The following TRIM67 variants were observed in gnomAD, a reference collection of about 807,000 sequenced individuals.
TRIM67 encodes tripartite motif-containing protein 67.
Under a neutral mutation model 71.0 loss-of-function variants are expected in TRIM67, and 39 were observed. That is an observed-to-expected ratio of 0.55 (90% CI 0.43 to 0.72). The LOEUF (loss-of-function observed/expected upper bound fraction) is 0.72. TRIM67 is among the 30% of genes least tolerant of loss of function. The probability of loss-of-function intolerance (pLI) is 0.00; values close to 1 mark genes in which losing one functional copy is unlikely to be tolerated. For missense variants in TRIM67, 973 were observed against 1,079.2 expected (o/e 0.90, Z 1.38); for synonymous variants, 481 against 473.9 (o/e 1.01, Z -0.19).
intron 1 of TRIM67, among the ~76,000 whole-genome samples, chr1:231,195,855 C>T (rs1326655636): frequency 6.6e-6 from 1 of 152,206 alleles, no homozygotes; most frequent in African/African-American, 2.4e-5. Context: ...TGGGGTGCAG[C>T]CAGAGACGGT....
chr1:231,165,873 T>C (rs1682447082), intron 1 of TRIM67, among the ~76,000 whole-genome samples: 1 of 152,232 alleles, frequency 6.6e-6, no homozygotes, highest in South Asian at 2.1e-4. Context: ...AAACTAATTC[T>C]GAGTGTTGCC....
intron 1 of TRIM67, chr1:231,187,452 G>T: frequency 7.6e-7 from 1 of 1,324,038 alleles, no homozygotes; most frequent in Non-Finnish European, 1.0e-6. Context: ...TCTGCCAACA[G>T]ATGAGGGCAT....
chr1:231,189,251 T>C (rs1683169300), intron 1 of TRIM67, among the ~76,000 whole-genome samples: 1 of 152,204 alleles, frequency 6.6e-6, no homozygotes, highest in Non-Finnish European at 1.5e-5. Flanking sequence ...TAAATTTAAT[T>C]GCCAGTCATA....
intron 1 of TRIM67, among the ~76,000 whole-genome samples, chr1:231,173,999 G>A (rs546347730): frequency 3.9e-5 from 6 of 152,046 alleles, no homozygotes; most frequent in Non-Finnish European, 8.8e-5. Flanking sequence ...AAATTTTTAT[G>A]TACTATCTCT....
At chr1:231,215,342 T>C in intron 9 of TRIM67, 33 bp from the exon 10 acceptor site, 2 of 1,607,412 alleles carry the variant, frequency 1.2e-6, no homozygotes. Flanking sequence ...CGGCAGCCTC[T>C]CCCACCCTCA....
intron 1 of TRIM67, 59 bp from the exon 2 acceptor site, chr1:231,197,312 C>T (rs1156303207): frequency 6.7e-7 from 1 of 1,488,358 alleles, no homozygotes; most frequent in Non-Finnish European, 9.4e-7. Context: ...TGATGAAGTG[C>T]AAATTTTCTG....
At position 231,218,010 on chromosome 1, in the gene TRIM67, C is replaced by G. The variant is rs1006430984; in HGVS notation, c.*2570C>G. On this transcript the variant is annotated 3_prime_UTR_variant, in exon 10 of 10. Coordinates refer to ENST00000366653, the MANE Select transcript of TRIM67 (RefSeq NM_001004342.5). ...AGCCCAGAAGCAATACGGCCGATGC[C>G]AGGGACAGCATCCAGCTCTCCTTCA... The G allele has an allele frequency of 8.3e-7, 1 of 1,197,732 alleles. No homozygotes were observed. Among genetic ancestry groups the G allele is most frequent in the African/African-American group, 1.6e-5 (1 of 62,986 alleles). 74.2% of individuals were successfully genotyped at this position (1,197,732 alleles called of 1,614,324 possible). A position where few individuals can be genotyped will look rare whatever the true frequency, so the allele number is the denominator to read the frequency against.
At chr1:231,174,330 CTAATTTT>C (rs1682690662) in intron 1 of TRIM67, among the ~76,000 whole-genome samples, 1 of 150,178 alleles carries the variant, frequency 6.7e-6, no homozygotes, top group African/African-American at 2.5e-5. Context: ...AGCAAATTTG[CTAATTTT>C]TTTTTTTTTT....
chr1:231,183,837 C>T (rs2102729809), intron 1 of TRIM67, among the ~76,000 whole-genome samples: 1 of 152,258 alleles, frequency 6.6e-6, no homozygotes, highest in Middle Eastern at 3.4e-3. Flanking sequence ...AAAATGAGGG[C>T]AGGGAGAGTA....
At chr1:231,183,852 A>T (rs1682976955) in intron 1 of TRIM67, among the ~76,000 whole-genome samples, 1 of 152,050 alleles carries the variant, frequency 6.6e-6, no homozygotes, top group Non-Finnish European at 1.5e-5. Context: ...AGAGTAAGTG[A>T]CTCACCTAAT....
In TRIM67 at chr1:231,215,924, A is replaced by G. The variant is rs1285861767; in HGVS notation, c.*484A>G. 2.0e-6 allele frequency: 2 copies of G among 988,984 alleles called. No homozygotes were observed. The highest frequency in any genetic ancestry group is 2.4e-6 in the Non-Finnish European group (2 of 832,480). The allele number at this position is 988,984 out of a possible 1,614,324, so 61.3% of individuals were successfully genotyped here. A position where few individuals can be genotyped will look rare whatever the true frequency, so the allele number is the denominator to read the frequency against. ...AGTCCCGAGATTGCAGATTCTCATC[A>G]TGCTGAGAAAGTTATCTTTTAGCTT... On this transcript the variant is annotated 3_prime_UTR_variant, in exon 10 of 10. Coordinates refer to ENST00000366653, the MANE Select transcript of TRIM67 (RefSeq NM_001004342.5).
rs1240144208 is a variant in TRIM67 at position 231,209,254 on chromosome 1, C to A, written c.2123+4C>A. On this transcript the variant is annotated splice_donor_region_variant and intron_variant, in intron 8 of 9. Coordinates refer to ENST00000366653, the MANE Select transcript of TRIM67 (RefSeq NM_001004342.5). This position sits in a 1 kb window ranked among gnomAD's most constrained non-coding sequence, Gnocchi z 4.1. ...ACTGCAACTCCCACACCAACAGGTG[C>A]GATTGGGCCCCATCCTGCCTCCCGT... 1 of 1,530,328 alleles carries A rather than the reference C, an allele frequency of 6.5e-7. No individual in the cohort carries two copies. The allele number at this position is 1,530,328 out of a possible 1,614,324, so 94.8% of individuals were successfully genotyped here. A position where few individuals can be genotyped will look rare whatever the true frequency, so the allele number is the denominator to read the frequency against.
rs1386652149 is a variant in TRIM67 at position 231,171,870 on chromosome 1, GA to G, written c.1044+7859del. ...AGCACTTTGGAAGGCAGAGGCGGGC[GA>G]ATTGCTTGAGGCCAAGAGTTTGAGA... On this transcript the variant is annotated intron_variant, in intron 1 of 9. Coordinates refer to ENST00000366653, the MANE Select transcript of TRIM67 (RefSeq NM_001004342.5). Among the ~76,000 whole-genome samples, 7 of 152,284 alleles carry G rather than the reference GA, an allele frequency of 4.6e-5. No individual in the cohort carries two copies. In the East Asian group the frequency reaches 1.3e-3, roughly 29 times the overall value.
intron 1 of TRIM67, among the ~76,000 whole-genome samples, chr1:231,167,330 T>TAAGAGATAGGGTCTTACTACA (rs1558288826): frequency 1.4e-4 from 9 of 65,164 alleles, no homozygotes; most frequent in East Asian, 4.0e-4. Flanking sequence ...TTTTTTTTTT[T>TAAGAGATAGGGTCTTACTACA]TTTTTTTTTT....
At chr1:231,214,778 CAAA>C (rs748778482) in intron 9 of TRIM67, among the ~76,000 whole-genome samples, 970 of 43,850 alleles carry the variant, frequency 0.022, 12 homozygotes, top group African/African-American at 0.075. Flanking sequence ...GACTTCATCT[CAAA>C]AAAAAAAAAA....
At chr1:231,197,692 G>A (rs1379277021) in intron 2 of TRIM67, among the ~76,000 whole-genome samples, 1 of 152,210 alleles carries the variant, frequency 6.6e-6, no homozygotes. Context: ...GGGCGTGGTG[G>A]CGCATGCCTG....
chr1:231,190,725 C>T (rs534470306), intron 1 of TRIM67, among the ~76,000 whole-genome samples: 10 of 152,118 alleles, frequency 6.6e-5, no homozygotes, highest in African/African-American at 1.4e-4. Context: ...ATCCTCAGGG[C>T]GGGGGACTGG....
chr1:231,186,250 A>C, intron 1 of TRIM67: 1 of 1,275,752 alleles, frequency 7.8e-7, no homozygotes, highest in Non-Finnish European at 1.1e-6. Flanking sequence ...TGGCAAAAGC[A>C]GGATTTCTTC....
intron 1 of TRIM67, among the ~76,000 whole-genome samples, chr1:231,181,146 A>G (rs1036512892): frequency 3.9e-5 from 6 of 152,122 alleles, no homozygotes; most frequent in Non-Finnish European, 8.8e-5. Context: ...TTATATTTTT[A>G]GTAAAGATGA....
Sources: allele counts gnomAD v4.1 joint callset (sites outside exome capture counted in the v4.1 genomes callset), GRCh38; gene constraint gnomAD v4.1.1; non-coding constraint Gnocchi (gnomAD v3.1); transcripts MANE v1.5; gene names NCBI Gene and HGNC (gene_info 2026-07-23, HGNC 2026-07-21).